Variants in LRP2 observed in about 807,000 individuals in gnomAD.
LRP2 encodes low-density lipoprotein receptor-related protein 2.
LRP2 carries 172 observed loss-of-function variants against 531.0 expected under a neutral mutation model. The observed-to-expected ratio is 0.32, with a 90% CI of 0.29 to 0.37. The LOEUF (loss-of-function observed/expected upper bound fraction) is 0.37, where lower values mean the gene tolerates loss of function less well. LRP2 is among the 10% of genes least tolerant of loss of function. The probability of loss-of-function intolerance (pLI) is 1.00; values close to 1 mark genes in which losing one functional copy is unlikely to be tolerated. For synonymous variants in LRP2, 1,992 were observed against 2,027.6 expected (o/e 0.98, Z 0.47); for missense variants, 5,167 against 5,868.3 (o/e 0.88, Z 3.90).
In LRP2 at chr2:169,275,196, A is replaced by G. The variant is rs2105443843; in HGVS notation, c.1815T>C (p.Phe605=). 6.2e-7 allele frequency: 1 copy of G among 1,613,788 alleles called. No homozygotes were observed. The highest frequency in any genetic ancestry group is 8.5e-7 in the Non-Finnish European group (1 of 1,179,812). ...VHGGSLIPHP[F]GVSLFEGQVF... ...CCTGACCTTCAAATAAGCTTACTCC[A>G]AAGGGATGAGGAATGAGGGAGCCTC... Residue 605 remains phenylalanine, a synonymous_variant, in exon 14 of 79, where the codon TTT becomes TTC. Coordinates refer to ENST00000649046, the MANE Select transcript of LRP2 (RefSeq NM_004525.3).
chr2:169,362,472 G>T lies in LRP2; in HGVS notation c.-73C>A. ...GCGCGTAGCACACCGCACCGGCAGC[G>T]CCTCTGCTAGCGAACGCTCCTTTAG... is the stretch of plus-strand genomic sequence containing the variant. On this transcript the variant is annotated 5_prime_UTR_variant, in exon 1 of 79. Coordinates refer to ENST00000649046, the MANE Select transcript of LRP2 (RefSeq NM_004525.3). 1 of 1,309,504 alleles carries T rather than the reference G, an allele frequency of 7.6e-7. No homozygotes were observed. Among genetic ancestry groups the T allele is most frequent in the Non-Finnish European group, 1.1e-6 (1 of 938,412 alleles). 81.1% of individuals were successfully genotyped at this position (1,309,504 alleles called of 1,614,324 possible).
intron 1 of LRP2, among the ~76,000 whole-genome samples, chr2:169,340,159 T>G (rs1685526178): frequency 6.6e-6 from 1 of 152,196 alleles, no homozygotes; most frequent in African/African-American, 2.4e-5. Flanking sequence ...TGTTCCCCTA[T>G]TCTCTTGTCC....
At chr2:169,355,599 T>A (rs1685967124) in intron 1 of LRP2, among the ~76,000 whole-genome samples, 1 of 152,164 alleles carries the variant, frequency 6.6e-6, no homozygotes, top group Non-Finnish European at 1.5e-5. Flanking sequence ...CAACTGAAAC[T>A]TTTGCTGGGA....
At chr2:169,190,576 T>A (rs555261084) in intron 48 of LRP2, among the ~76,000 whole-genome samples, 1 of 152,294 alleles carries the variant, frequency 6.6e-6, no homozygotes, top group African/African-American at 2.4e-5. Flanking sequence ...TGACTCTGCT[T>A]CTCTGATCTT....
intron 1 of LRP2, among the ~76,000 whole-genome samples, chr2:169,350,007 T>C (rs575815122): frequency 6.6e-6 from 1 of 152,348 alleles, no homozygotes; most frequent in South Asian, 2.1e-4. Context: ...TGGAAGCCAT[T>C]GCAATCGTCG....
In LRP2 at chr2:169,157,469, A is replaced by G; in HGVS notation, c.11921T>C (p.Ile3974Thr). The change falls in exon 64 of 79, where the codon ATA becomes ACA. Residue 3974 changes from isoleucine (I) to threonine (T), a missense_variant. Around this residue, in one of 6 missense-constraint regions of LRP2, gnomAD observed 564 missense variants for 747.7 expected, o/e 0.75. Transcript: ENST00000649046. ...TAATTGGGTACAATTTTGCTCGCAT[A>G]TATTTTCAGCACATGTTCTTTCTTT... Reference protein sequence around the residue: ...KGKERTCAENICEQNCTQLNE... With the variant: ...KGKERTCAENTCEQNCTQLNE... The G allele has an allele frequency of 3.1e-6, 5 of 1,613,344 alleles. No homozygotes were observed. The highest frequency in any genetic ancestry group is 3.4e-6 in the Non-Finnish European group (4 of 1,179,536).
rs181545062 is a variant in LRP2 at position 169,346,788 on chromosome 2, C to T, written c.79+15533G>A. 8.5e-5 allele frequency among the ~76,000 whole-genome samples: 13 copies of T among 152,298 alleles called. No individual in the cohort carries two copies. In the East Asian group the frequency reaches 2.5e-3, roughly 29 times the overall value. Reference sequence around the variant, plus strand: ...TCCAAGGGTCTCTTCTCAAACTTACCAGGCACTGATGAATCCCCAAGGAAT... The same window carrying T: ...TCCAAGGGTCTCTTCTCAAACTTACTAGGCACTGATGAATCCCCAAGGAAT... On this transcript the variant is annotated intron_variant, in intron 1 of 78. Coordinates refer to ENST00000649046, the MANE Select transcript of LRP2 (RefSeq NM_004525.3).
At chr2:169,319,832 A>G (rs554125749) in intron 2 of LRP2, among the ~76,000 whole-genome samples, 1 of 152,214 alleles carries the variant, frequency 6.6e-6, no homozygotes, top group Non-Finnish European at 1.5e-5. Context: ...CCATTTGTGC[A>G]TGAGTATTTG....
chr2:169,232,672 A>G (rs3821127), intron 30 of LRP2, among the ~76,000 whole-genome samples: 79,592 of 151,964 alleles, frequency 0.52, 22,204 homozygotes, highest in African/African-American at 0.72. Context: ...AATCCTAAAT[A>G]GCACGCGAAG....
At chr2:169,154,438 AG>A (rs1686258893) in intron 66 of LRP2, 21 bp downstream of exon 66, 1 of 1,606,410 alleles carries the variant, frequency 6.2e-7, no homozygotes, top group African/African-American at 1.3e-5. Flanking sequence ...TATCAATGAA[AG>A]ATGCCAAAGT....
chr2:169,348,921 G>T (rs950058585), intron 1 of LRP2, among the ~76,000 whole-genome samples: 1 of 152,120 alleles, frequency 6.6e-6, no homozygotes, highest in Non-Finnish European at 1.5e-5. Flanking sequence ...GACCTTGACT[G>T]GGCCTCCAGG....
chr2:169,205,440 C>G (rs749629316), intron 41 of LRP2, 39 bp downstream of exon 41: 1 of 1,611,084 alleles, frequency 6.2e-7, no homozygotes, highest in Non-Finnish European at 8.5e-7. Context: ...GAAGAAAAAC[C>G]TCTTCTTAAC....
chr2:169,281,650 G>A (rs1052253930), intron 10 of LRP2, among the ~76,000 whole-genome samples: 13 of 151,948 alleles, frequency 8.6e-5, no homozygotes, highest in African/African-American at 1.4e-4. Context: ...CCCGGGAGGC[G>A]GAGGTTGCAG....
intron 33 of LRP2, among the ~76,000 whole-genome samples, chr2:169,224,432 T>C (rs189508716): frequency 1.1e-4 from 16 of 152,324 alleles, no homozygotes; most frequent in African/African-American, 3.4e-4. Context: ...TAGAATTTCT[T>C]CTGGGAATTA....
intron 13 of LRP2, among the ~76,000 whole-genome samples, chr2:169,276,890 A>G (rs368403641): frequency 6.6e-6 from 1 of 152,112 alleles, no homozygotes. Context: ...GAGTAAAAAG[A>G]TGAAAAAAAA....
intron 58 of LRP2, among the ~76,000 whole-genome samples, chr2:169,170,921 GTTTTTTTTTT>G (rs57451386): frequency 1.1e-5 from 1 of 91,846 alleles, no homozygotes; most frequent in African/African-American, 4.3e-5. Context: ...CTCTCTCTCT[GTTTTTTTTTT>G]TTTTTTTTTT....
At chr2:169,324,875 C>A (rs1342062778) in intron 1 of LRP2, among the ~76,000 whole-genome samples, 1 of 151,968 alleles carries the variant, frequency 6.6e-6, no homozygotes, top group Non-Finnish European at 1.5e-5. Context: ...AATGCATGTT[C>A]GTCAGGAAGT....
rs1381028999 is a variant in LRP2, at chr2:169,173,099, A to G, written c.11140T>C (p.Cys3714Arg). The G allele has an allele frequency of 6.2e-7, 1 of 1,614,178 alleles. No homozygotes were observed. Among genetic ancestry groups the G allele is most frequent in the Non-Finnish European group, 8.5e-7 (1 of 1,180,030 alleles). ...ACTCCCCTGTGGCCCCTCCTACCAC[A>G]GCCTTGCTCATCACTGTTGTCCCTG... ...DCRDNSDEQGCEERTCHPVGD... is the reference protein window; with the variant it reads ...DCRDNSDEQGREERTCHPVGD... Residue 3714 changes from cysteine (C) to arginine (R), a missense_variant, in exon 57 of 79, where the codon TGT becomes CGT. Coordinates refer to ENST00000649046, the MANE Select transcript of LRP2 (RefSeq NM_004525.3).
chr2:169,182,430 A>C (rs1687475375), intron 50 of LRP2, 111 bp from the exon 51 acceptor site: 2 of 1,588,890 alleles, frequency 1.3e-6, no homozygotes, highest in African/African-American at 2.7e-5. Flanking sequence ...AGTTGTTAGA[A>C]GTCACCTTTC....
Sources: allele counts gnomAD v4.1 joint callset (sites outside exome capture counted in the v4.1 genomes callset), GRCh38; gene constraint gnomAD v4.1.1; regional missense constraint gnomAD v4.1.1; transcripts MANE v1.5; gene names NCBI Gene and HGNC (gene_info 2026-07-23, HGNC 2026-07-21).